The following CARF variants were observed in gnomAD, a reference collection of about 807,000 sequenced individuals.
CARF encodes the protein calcium responsive transcription factor, also known as calcium-responsive transcription factor.
CARF carries 57 observed loss-of-function variants against 82.0 expected under a neutral mutation model. The ratio of observed to expected loss-of-function variants is 0.70; its 90% CI spans 0.56 to 0.87. The LOEUF (loss-of-function observed/expected upper bound fraction) is 0.87, where lower values mean the gene tolerates loss of function less well. Ranked by LOEUF, CARF falls within the 40% of genes least tolerant of loss-of-function variation. The pLI, the probability that CARF is intolerant of heterozygous loss-of-function variation, is 0.00. For missense variants in CARF, 771 were observed against 855.8 expected (o/e 0.90, Z 1.24); for synonymous variants, 268 against 290.1 (o/e 0.92, Z 0.77).
chr2:202,973,038 G>A (rs1414479322), intron 12 of CARF, among the ~76,000 whole-genome samples: 1 of 152,136 alleles, frequency 6.6e-6, no homozygotes, highest in East Asian at 1.9e-4. Context: ...AGATGGGATT[G>A]CAGAAGCAAG....
At chr2:202,983,296 A>G (rs1333924895) in intron 16 of CARF, among the ~76,000 whole-genome samples, 1 of 152,226 alleles carries the variant, frequency 6.6e-6, no homozygotes, top group Non-Finnish European at 1.5e-5. Flanking sequence ...GTCAACATAG[A>G]AGTAAACTCT....
In CARF at chr2:202,912,964, C is replaced by G. The variant is rs1272149273; in HGVS notation, c.-468C>G. The G allele has an allele frequency of 6.6e-6, 1 of 152,192 alleles. No individual in the cohort carries two copies. The highest frequency in any genetic ancestry group is 1.9e-4 in the East Asian group (1 of 5,194). 9.4% of individuals were successfully genotyped at this position (152,192 alleles called of 1,614,324 possible). On this transcript the variant is annotated 5_prime_UTR_variant, in exon 1 of 17. Transcript: ENST00000438828. The stretch of plus-strand genomic sequence containing the variant: ...GTTCTCAATGGTCCCAAGAATTACT[C>G]TAATATAGTTGTTTTTCTGAGGGAG...
chr2:202,955,828 CT>C, intron 8 of CARF, 70 bp downstream of exon 8: 1 of 1,077,830 alleles, frequency 9.3e-7, no homozygotes, highest in Non-Finnish European at 1.4e-6. Flanking sequence ...CCAAATGCCA[CT>C]TTTGAGTACA....
chr2:202,922,828 T>G (rs538923632), intron 2 of CARF, among the ~76,000 whole-genome samples: 3 of 150,048 alleles, frequency 2.0e-5, no homozygotes, highest in South Asian at 2.1e-4. Context: ...AAAAAAGAAA[T>G]AAAAGAGCAT....
At chr2:202,928,931 T>C (rs756731456) in intron 3 of CARF, among the ~76,000 whole-genome samples, 6 of 152,252 alleles carry the variant, frequency 3.9e-5, no homozygotes, top group Admixed American at 3.9e-4. Context: ...GGTTTCACCA[T>C]GTTGTCTAGG....
Position 202,984,298 on chromosome 2 carries a change from T to C in CARF, c.*674T>C, listed in dbSNP as rs759566523. On this transcript the variant is annotated 3_prime_UTR_variant, in exon 17 of 17. Coordinates refer to ENST00000438828, the MANE Select transcript of CARF (RefSeq NM_024744.17). ...TATCTAATAGAAATTTAAAGTGTCTTGGTAAGTACTGAGAATTTTTACTTG... is the reference window on the plus strand; with the variant it reads ...TATCTAATAGAAATTTAAAGTGTCTCGGTAAGTACTGAGAATTTTTACTTG... 20 of 152,298 alleles carry C rather than the reference T, an allele frequency of 1.3e-4. No homozygotes were observed. Among genetic ancestry groups the C allele is most frequent in the Non-Finnish European group, 2.5e-4 (17 of 68,012 alleles). 9.4% of individuals were successfully genotyped at this position (152,298 alleles called of 1,614,324 possible). A position where few individuals can be genotyped will look rare whatever the true frequency, so the allele number is the denominator to read the frequency against.
At chr2:202,939,615 C>G (rs1035963984) in intron 3 of CARF, among the ~76,000 whole-genome samples, 1 of 150,430 alleles carries the variant, frequency 6.6e-6, no homozygotes, top group Non-Finnish European at 1.5e-5. Flanking sequence ...ATTTAAAAAT[C>G]TATCTTCCAA....
At chr2:202,943,337 G>C (rs1306443012) in intron 5 of CARF, among the ~76,000 whole-genome samples, 1 of 152,108 alleles carries the variant, frequency 6.6e-6, no homozygotes. Context: ...GCCTCTCAAA[G>C]TTCTGGGATT....
rs1236085203 is a variant in CARF at position 202,982,414 on chromosome 2, C to G, written c.2032C>G (p.Gln678Glu). ...GGGAGATGTGCAGACTATTCCAATACAGATTATAGACAACCACTCAGCTCT... is the reference window on the plus strand; with the variant it reads ...GGGAGATGTGCAGACTATTCCAATAGAGATTATAGACAACCACTCAGCTCT... ...LLGDVQTIPI[Q>E]IIDNHSALIE... The change falls in exon 16 of 17, where the codon CAG becomes GAG. Residue 678 changes from glutamine to glutamate, a missense_variant. By Grantham distance (29) the Gln-to-Glu change is conservative. Coordinates refer to ENST00000438828, the MANE Select transcript of CARF (RefSeq NM_024744.17). 1 of 1,614,014 alleles carries G rather than the reference C, an allele frequency of 6.2e-7. No individual in the cohort carries two copies. The highest frequency in any genetic ancestry group is 1.1e-5 in the South Asian group (1 of 91,034).
intron 13 of CARF, among the ~76,000 whole-genome samples, chr2:202,976,550 A>T (rs2060037872): frequency 6.6e-6 from 1 of 152,132 alleles, no homozygotes; most frequent in African/African-American, 2.4e-5. Flanking sequence ...CTCTGAAGAG[A>T]TTAATTACCC....
At chr2:202,978,307 G>A (rs2060115259) in intron 14 of CARF, among the ~76,000 whole-genome samples, 1 of 152,164 alleles carries the variant, frequency 6.6e-6, no homozygotes. Flanking sequence ...TGGATTGGGA[G>A]GAAGCCATAT....
chr2:202,951,910 G>A (rs1025281245), intron 5 of CARF, among the ~76,000 whole-genome samples: 61 of 150,568 alleles, frequency 4.1e-4, no homozygotes, highest in African/African-American at 1.3e-3. Flanking sequence ...TCGGCTCACT[G>A]CAACCTCTGC....
At position 202,977,266 on chromosome 2, in the gene CARF, C is replaced by A; in HGVS notation, c.1495-3C>A. On this transcript the variant is annotated splice_polypyrimidine_tract_variant and splice_region_variant and intron_variant, in intron 13 of 16. Coordinates refer to ENST00000438828, the MANE Select transcript of CARF (RefSeq NM_024744.17). ...TTTACTGAAATAAATGTTCCCATTTCAGCTTCAATGGACTACAGACAGTGG... is the reference window on the plus strand; with the variant it reads ...TTTACTGAAATAAATGTTCCCATTTAAGCTTCAATGGACTACAGACAGTGG... The A allele has an allele frequency of 6.2e-7, 1 of 1,601,414 alleles. No homozygotes were observed. The highest frequency in any genetic ancestry group is 8.5e-7 in the Non-Finnish European group (1 of 1,172,910).
At chr2:202,947,177 G>A (rs968134281) in intron 5 of CARF, among the ~76,000 whole-genome samples, 1 of 152,156 alleles carries the variant, frequency 6.6e-6, no homozygotes, top group Admixed American at 6.6e-5. Flanking sequence ...ACATGGACAT[G>A]TATGTTTATT....
At chr2:202,921,122 C>G (rs1416220299) in intron 2 of CARF, among the ~76,000 whole-genome samples, 1 of 152,170 alleles carries the variant, frequency 6.6e-6, no homozygotes, top group African/African-American at 2.4e-5. Context: ...CCGCCTCAGC[C>G]TCCCAGGTAG....
At chr2:202,925,560 G>A in intron 3 of CARF, 2 of 244,866 alleles carry the variant, frequency 8.2e-6, no homozygotes, top group Admixed American at 1.0e-4. Flanking sequence ...TGCGTCACAT[G>A]AAGACAGATC....
chr2:202,930,700 G>A (rs1262823111), intron 3 of CARF, among the ~76,000 whole-genome samples: 3 of 151,626 alleles, frequency 2.0e-5, no homozygotes, highest in African/African-American at 7.3e-5. Context: ...AAAATTTTTG[G>A]CAACTCGTAG....
At chr2:202,924,884 A>G (rs1341882058) in intron 3 of CARF, 2 of 212,260 alleles carry the variant, frequency 9.4e-6, no homozygotes. Context: ...CTGGATGTGC[A>G]CACCAACACC....
intron 2 of CARF, among the ~76,000 whole-genome samples, chr2:202,919,058 T>TGTTGG (rs1690299723): frequency 1.3e-5 from 2 of 152,190 alleles, no homozygotes; most frequent in Non-Finnish European, 2.9e-5. Context: ...CCTAAGCCAG[T>TGTTGG]CATACTTCCC....
Sources: gnomAD v4.1 joint callset for allele counts (sites outside exome capture counted in the v4.1 genomes callset) on GRCh38, gnomAD v4.1.1 for gene constraint, MANE v1.5 for transcripts, NCBI Gene and HGNC (gene_info 2026-07-23, HGNC 2026-07-21) for gene names.